Variants in SLC25A15 observed in about 807,000 individuals in gnomAD.
SLC25A15 encodes mitochondrial ornithine transporter 1.
SLC25A15 carries 24 observed loss-of-function variants against 32.3 expected under a neutral mutation model. That is an observed-to-expected ratio of 0.74 (90% confidence interval 0.54 to 1.04). The LOEUF is 1.04. SLC25A15 is among the 50% of genes least tolerant of loss of function. The probability of loss-of-function intolerance (pLI) is 0.00; values close to 1 mark genes in which losing one functional copy is unlikely to be tolerated. For missense variants in SLC25A15, 317 were observed against 374.5 expected (o/e 0.85, Z 1.27); for synonymous variants, 132 against 142.1 (o/e 0.93, Z 0.51).
intron 3 of SLC25A15, among the ~76,000 whole-genome samples, chr13:40,803,879 GATTTATTT>G (rs974892459): frequency 2.0e-5 from 3 of 152,206 alleles, no homozygotes; most frequent in Admixed American, 2.0e-4. Context: ...TTAGAACCTA[GATTTATTT>G]AAAACTTAGG....
In SLC25A15 at chr13:40,809,585, G is replaced by A. The variant is rs104894431; in HGVS notation, c.824G>A (p.Arg275Gln). 5.6e-6 allele frequency: 9 copies of A among 1,611,900 alleles called. No individual in the cohort carries two copies. The highest frequency in any genetic ancestry group is 3.3e-5 in the Admixed American group (2 of 59,976). ...TCTGGACTGAAACCTACTATGATTC[G>A]AGCATTCCCTGCCAATGGAGCACTC... ...LYSGLKPTMI[R>Q]AFPANGALFL... Residue 275 changes from arginine to glutamine, a missense_variant, in exon 7 of 7, where the codon CGA becomes CAA. Arg to Gln is a conservative substitution (Grantham distance 43). Transcript: ENST00000338625.
At position 40,799,260 on chromosome 13, in the gene SLC25A15, T is replaced by G. The variant is rs749081821; in HGVS notation, c.259T>G (p.Phe87Val). ...ENSVLFMCYGFCQQVVRKVAG... is the reference protein window; with the variant it reads ...ENSVLFMCYGVCQQVVRKVAG... The stretch of plus-strand genomic sequence containing the variant: ...CTCAGTCCTCTTCATGTGCTACGGC[T>G]TCTGCCAGCAGGTGGTGCGGAAAGT... The change falls in exon 3 of 7, where the codon TTC (phenylalanine) becomes GTC (valine). Residue 87 changes from phenylalanine (F) to valine (V), a missense_variant. Coordinates refer to ENST00000338625, the MANE Select transcript of SLC25A15 (RefSeq NM_014252.4). 18 of 1,614,206 alleles carry G rather than the reference T, an allele frequency of 1.1e-5. No homozygotes were observed. In the East Asian group the frequency reaches 4.0e-4, roughly 36 times the overall value.
Position 40,812,007 on chromosome 13 carries a change from G to A in SLC25A15, c.*2340G>A, listed in dbSNP as rs923785067. Among the ~76,000 whole-genome samples the A allele has an allele frequency of 6.6e-6, 1 of 152,126 alleles. No individual in the cohort carries two copies. Among genetic ancestry groups the A allele is most frequent in the Non-Finnish European group, 1.5e-5 (1 of 68,010 alleles). The stretch of plus-strand genomic sequence containing the variant: ...AGCTATTATGGCTGGTCTTCCATTT[G>A]CTTTTTCTTTAAGTGAAAACCATTT... On this transcript the variant is annotated 3_prime_UTR_variant, in exon 7 of 7. Coordinates refer to ENST00000338625, the MANE Select transcript of SLC25A15 (RefSeq NM_014252.4).
chr13:40,807,897 A>C (rs1882259268), intron 5 of SLC25A15, among the ~76,000 whole-genome samples: 1 of 152,208 alleles, frequency 6.6e-6, no homozygotes, highest in Non-Finnish European at 1.5e-5. Flanking sequence ...GTACAACTAC[A>C]TGCAATGTTT....
chr13:40,804,169 C>A (rs1218898006), intron 3 of SLC25A15, among the ~76,000 whole-genome samples: 1 of 152,176 alleles, frequency 6.6e-6, no homozygotes, highest in African/African-American at 2.4e-5. Flanking sequence ...CGTCTTCTCA[C>A]TGTGTCCTCA....
At position 40,808,346 on chromosome 13, in the gene SLC25A15, T is replaced by C. The variant is rs1217411410; in HGVS notation, c.623-92T>C. On this transcript the variant is annotated intron_variant, in intron 5 of 6. Transcript: ENST00000338625. ...TGTAGCATTAGCATTTTTATTTTCA[T>C]CTACCTGCAGCCATTACTACATTGA... The C allele has an allele frequency of 1.2e-5, 13 of 1,062,622 alleles. No individual in the cohort carries two copies. In the East Asian group the frequency reaches 2.8e-4, roughly 23 times the overall value. 65.8% of individuals were successfully genotyped at this position (1,062,622 alleles called of 1,614,324 possible). A position where few individuals can be genotyped will look rare whatever the true frequency, so the allele number is the denominator to read the frequency against.
At chr13:40,798,995 T>C (rs1470428931) in intron 2 of SLC25A15, 62 bp from the exon 3 acceptor site, 21 of 1,613,680 alleles carry the variant, frequency 1.3e-5, no homozygotes. Flanking sequence ...TGCCTGTGCC[T>C]TCCTTCCATG....
At chr13:40,790,922 C>T (rs1357039891) in intron 1 of SLC25A15, among the ~76,000 whole-genome samples, 1 of 152,060 alleles carries the variant, frequency 6.6e-6, no homozygotes, top group East Asian at 1.9e-4. Context: ...GTTTGGCTCA[C>T]CTAACAGGGT....
chr13:40,797,908 G>A (rs1441423922), intron 2 of SLC25A15, among the ~76,000 whole-genome samples: 1 of 152,152 alleles, frequency 6.6e-6, no homozygotes, highest in East Asian at 1.9e-4. Flanking sequence ...CAGTTCCCAC[G>A]ACGCCAACCC....
At position 40,810,986 on chromosome 13, in the gene SLC25A15, G is replaced by A; in HGVS notation, c.*1319G>A. ...AAGCCTTCTTCCCTGTTTGGTGATT[G>A]TGTGACAGTGGGTGAACCTCTCTCA... On this transcript the variant is annotated 3_prime_UTR_variant, in exon 7 of 7. Coordinates refer to ENST00000338625, the MANE Select transcript of SLC25A15 (RefSeq NM_014252.4). The A allele has an allele frequency of 5.0e-6, 2 of 401,652 alleles. No homozygotes were observed. Among genetic ancestry groups the A allele is most frequent in the South Asian group, 3.7e-5 (2 of 53,472 alleles). 24.9% of individuals were successfully genotyped at this position (401,652 alleles called of 1,614,324 possible).
chr13:40,804,469 G>A (rs1464890742), intron 3 of SLC25A15, among the ~76,000 whole-genome samples: 1 of 152,132 alleles, frequency 6.6e-6, no homozygotes, highest in Non-Finnish European at 1.5e-5. Flanking sequence ...AGGGAACTGG[G>A]GTGCTGCTGT....
In SLC25A15 at chr13:40,798,832, C is replaced by T. The variant is rs538277665; in HGVS notation, c.56-225C>T. The T allele has an allele frequency of 4.8e-4, 470 of 985,422 alleles. 1 individual carries two copies. In the African/African-American group the frequency reaches 7.9e-3, roughly 17 times the overall value. 61.0% of individuals were successfully genotyped at this position (985,422 alleles called of 1,614,324 possible). A position where few individuals can be genotyped will look rare whatever the true frequency, so the allele number is the denominator to read the frequency against. On this transcript the variant is annotated intron_variant, in intron 2 of 6. Coordinates refer to ENST00000338625, the MANE Select transcript of SLC25A15 (RefSeq NM_014252.4). Reference sequence around the variant, plus strand: ...GCCGCTGTTGAACACATGTCTGTCTCTCTCCCCTGCCTGGCATGAGCTCCT... The same window carrying T: ...GCCGCTGTTGAACACATGTCTGTCTTTCTCCCCTGCCTGGCATGAGCTCCT...
chr13:40,811,935 A>C lies in SLC25A15; in HGVS notation c.*2268A>C, dbSNP rs1185072592. ...GGGATATGAGAGGCTGACAAACATC[A>C]GGGGACATCTGGGGAGGAGATCCCT... On this transcript the variant is annotated 3_prime_UTR_variant, in exon 7 of 7. Transcript: ENST00000338625. 6.6e-6 allele frequency among the ~76,000 whole-genome samples: 1 copy of C among 152,218 alleles called. No individual in the cohort carries two copies. The highest frequency in any genetic ancestry group is 2.4e-5 in the African/African-American group (1 of 41,468).
At position 40,805,633 on chromosome 13, in the gene SLC25A15, A is replaced by G. The variant is rs190131681; in HGVS notation, c.452+378A>G. ...AGTGCCAATTTGGATTCTGAGATGA[A>G]TATTTGATCCCCACTTCAGGTTTCG... On this transcript the variant is annotated intron_variant, in intron 4 of 6. Transcript: ENST00000338625. Among the ~76,000 whole-genome samples, 5 of 152,298 alleles carry G rather than the reference A, an allele frequency of 3.3e-5. No individual in the cohort carries two copies. The East Asian group carries it at 9.6e-4, about 29-fold the overall frequency.
At position 40,811,931 on chromosome 13, in the gene SLC25A15, C is replaced by T. The variant is rs544170849; in HGVS notation, c.*2264C>T. ...GCCAGGGATATGAGAGGCTGACAAA[C>T]ATCAGGGGACATCTGGGGAGGAGAT... On this transcript the variant is annotated 3_prime_UTR_variant, in exon 7 of 7. Transcript: ENST00000338625. Among the ~76,000 whole-genome samples the T allele has an allele frequency of 1.4e-4, 21 of 152,348 alleles. No individual in the cohort carries two copies. Among genetic ancestry groups the T allele is most frequent in the South Asian group, 4.1e-4 (2 of 4,822 alleles).
rs1882398116 is a variant in SLC25A15, at chr13:40,810,414, C to T, written c.*747C>T. Among the ~76,000 whole-genome samples, 1 of 152,124 alleles carries T rather than the reference C, an allele frequency of 6.6e-6. No individual in the cohort carries two copies. The highest frequency in any genetic ancestry group is 2.1e-4 in the South Asian group (1 of 4,826). On this transcript the variant is annotated 3_prime_UTR_variant, in exon 7 of 7. Transcript: ENST00000338625. ...CTGACCTCAAGTGATCCGCCCACCT[C>T]GGCCTCCCAAAGTGCTGGGATTACT...
chr13:40,797,516 A>C (rs1383942246), intron 2 of SLC25A15, among the ~76,000 whole-genome samples: 1 of 152,200 alleles, frequency 6.6e-6, no homozygotes, highest in African/African-American at 2.4e-5. Context: ...TCATAATAAA[A>C]TCATATTAAA....
intron 3 of SLC25A15, among the ~76,000 whole-genome samples, chr13:40,801,878 A>T (rs1881906502): frequency 1.3e-5 from 2 of 152,328 alleles, no homozygotes; most frequent in South Asian, 2.1e-4. Flanking sequence ...TTCATACTAC[A>T]TGCAGAACCA....
Position 40,799,180 on chromosome 13 carries a change from T to C in SLC25A15, c.179T>C (p.Phe60Ser). 6.2e-7 allele frequency: 1 copy of C among 1,614,188 alleles called. No individual in the cohort carries two copies. The highest frequency in any genetic ancestry group is 8.5e-7 in the Non-Finnish European group (1 of 1,180,018). Residue 60 changes from phenylalanine (F) to serine (S), a missense_variant, in exon 3 of 7, where the codon TTC (phenylalanine) becomes TCC (serine). Phe to Ser is a radical substitution (Grantham distance 155). Coordinates refer to ENST00000338625, the MANE Select transcript of SLC25A15 (RefSeq NM_014252.4). ...CCLKTYSQVG[F>S]RGFYKGTSPA... ...CTGAAGACTTACTCCCAGGTGGGCT[T>C]CCGTGGCTTCTACAAGGGTACCAGT...
Sources: allele counts gnomAD v4.1 joint callset (sites outside exome capture counted in the v4.1 genomes callset), GRCh38; gene constraint gnomAD v4.1.1; transcripts MANE v1.5; gene names NCBI Gene and HGNC (gene_info 2026-07-23, HGNC 2026-07-21).